Variants in LSS observed in about 807,000 individuals in gnomAD.
LSS encodes the protein lanosterol synthase.
A neutral mutation model predicts 110.3 loss-of-function variants in LSS; 90 were observed. The ratio of observed to expected loss-of-function variants is 0.82; its 90% confidence interval spans 0.69 to 0.97. The LOEUF (loss-of-function observed/expected upper bound fraction) is 0.97, where lower values mean the gene tolerates loss of function less well. Ranked by LOEUF, LSS falls within the 50% of genes least tolerant of loss-of-function variation. The pLI is 0.00. For synonymous variants in LSS, 433 were observed against 400.0 expected (o/e 1.08, Z -0.98); for missense variants, 927 against 990.0 (o/e 0.94, Z 0.85).
At chr21:46,213,951 C>A (rs2080167678) in intron 9 of LSS, 116 bp from the exon 10 acceptor site, 1 of 729,950 alleles carries the variant, frequency 1.4e-6, no homozygotes. Flanking sequence ...GCAGATCACT[C>A]AGGGCCAGGA....
chr21:46,194,593 C>T lies in LSS; in HGVS notation c.1886G>A (p.Trp629Ter), dbSNP rs774239538. 1.2e-6 allele frequency: 2 copies of T among 1,613,870 alleles called. No homozygotes were observed. The highest frequency in any genetic ancestry group is 1.7e-6 in the Non-Finnish European group (2 of 1,180,018). ...LLSRQMADGGWGEDFESCEER... is the reference protein window; with the variant it reads ...LLSRQMADGG ...CTCGCAGGACTCAAAGTCCTCCCCC[C>T]AGCCTCCGTCTGCCATCTGCCGGGA... is the stretch of plus-strand genomic sequence containing the variant. The change falls in exon 20 of 22, where the codon TGG becomes TAG. Residue 629 changes from tryptophan (W) to a stop codon, truncating the protein, a stop_gained. Transcript: ENST00000397728. LOFTEE classifies it high-confidence loss of function.
chr21:46,219,718 C>T (rs2080251537), intron 5 of LSS, 146 bp from the exon 6 acceptor site: 6 of 509,058 alleles, frequency 1.2e-5, no homozygotes, highest in South Asian at 6.0e-5. Flanking sequence ...TTGCGACCCC[C>T]ATGTGCGAAG....
Position 46,194,750 on chromosome 21 carries a change from G to A in LSS, c.1818-89C>T, listed in dbSNP as rs1023247188. 38 of 1,375,112 alleles carry A rather than the reference G, an allele frequency of 2.8e-5. No homozygotes were observed. In the East Asian group the frequency reaches 4.8e-4, roughly 17 times the overall value. The allele number at this position is 1,375,112 out of a possible 1,614,324, so 85.2% of individuals were successfully genotyped here. On this transcript the variant is annotated intron_variant, in intron 19 of 21. Coordinates refer to ENST00000397728, the MANE Select transcript of LSS (RefSeq NM_002340.6). ...ACCCCAGCAGGCTGCCTTGGGGTACGGGGAGGAGCCTGCACGATGGGGCCA... is the reference window on the plus strand; with the variant it reads ...ACCCCAGCAGGCTGCCTTGGGGTACAGGGAGGAGCCTGCACGATGGGGCCA...
At chr21:46,224,564 G>A (rs1383783539) in intron 3 of LSS, 2 of 152,182 alleles carry the variant, frequency 1.3e-5, no homozygotes, top group African/African-American at 4.8e-5. Context: ...CCCAAAACAA[G>A]CCCGTCTCTT....
chr21:46,206,555 C>A, intron 16 of LSS, 117 bp downstream of exon 16: 1 of 825,362 alleles, frequency 1.2e-6, no homozygotes, highest in South Asian at 1.5e-5. Context: ...ACAGATCTGC[C>A]GGTGAACCTG....
chr21:46,196,840 C>T (rs143421680), intron 17 of LSS, among the ~76,000 whole-genome samples: 211 of 152,358 alleles, frequency 1.4e-3, no homozygotes, highest in Middle Eastern at 0.014. Flanking sequence ...AGCAGACTCC[C>T]TCTACCAACT....
chr21:46,218,879 G>A (rs911396466), intron 6 of LSS, among the ~76,000 whole-genome samples: 3 of 151,826 alleles, frequency 2.0e-5, no homozygotes, highest in South Asian at 2.1e-4. Flanking sequence ...GGCACGCGCC[G>A]CCACGCCCAG....
chr21:46,222,399 C>T (rs2080289508), intron 4 of LSS: 1 of 575,100 alleles, frequency 1.7e-6, no homozygotes, highest in Admixed American at 3.2e-5. Context: ...ATGTGGGTCT[C>T]AAGAGTGTCC....
At chr21:46,208,408 G>A (rs1267280320) in intron 13 of LSS, 107 bp from the exon 14 acceptor site, 3 of 1,005,064 alleles carry the variant, frequency 3.0e-6, no homozygotes, top group Admixed American at 2.0e-5. Context: ...GAGGCAGAAC[G>A]TGCCTGGGAG....
intron 16 of LSS, 83 bp downstream of exon 16, chr21:46,206,589 G>A (rs1231143305): frequency 1.7e-6 from 2 of 1,203,424 alleles, no homozygotes; most frequent in Non-Finnish European, 2.4e-6. Flanking sequence ...TCGGGCAAGG[G>A]GGAAAAGCTG....
chr21:46,196,055 C>T, intron 18 of LSS, 147 bp downstream of exon 18: 1 of 795,816 alleles, frequency 1.3e-6, no homozygotes, highest in South Asian at 1.6e-5. Flanking sequence ...GGAACGAGGT[C>T]CCCCAGAAGT....
rs557815604 is a variant in LSS at position 46,209,901 on chromosome 21, C to T, written c.1195-276G>A. On this transcript the variant is annotated intron_variant, in intron 12 of 21. Coordinates refer to ENST00000397728, the MANE Select transcript of LSS (RefSeq NM_002340.6). This position sits in a 1 kb window ranked among gnomAD's most constrained non-coding sequence, Gnocchi z 4.4. ...TGGCCAGCATCCATGCCCAGAGGGT[C>T]TCCAGCACCCTGTGTAGGCAGGCCC... 6.6e-6 allele frequency among the ~76,000 whole-genome samples: 1 copy of T among 152,188 alleles called. No individual in the cohort carries two copies. The highest frequency in any genetic ancestry group is 1.9e-4 in the East Asian group (1 of 5,196).
intron 3 of LSS, chr21:46,225,173 C>G (rs12152059): frequency 0.016 from 3,150 of 200,802 alleles, 35 homozygotes; most frequent in Non-Finnish European, 0.02. Flanking sequence ...AGCAATTACT[C>G]TTTATTCCAA....
At chr21:46,210,546 A>G (rs1384553315) in intron 12 of LSS, 142 bp downstream of exon 12, 6 of 852,638 alleles carry the variant, frequency 7.0e-6, no homozygotes, top group Non-Finnish European at 1.1e-5. Flanking sequence ...CGACCCTCTG[A>G]AGCCAGAGGC....
chr21:46,201,741 T>C (rs2079980176), intron 17 of LSS, among the ~76,000 whole-genome samples: 1 of 152,116 alleles, frequency 6.6e-6, no homozygotes, highest in Non-Finnish European at 1.5e-5. Context: ...ATATAAATAG[T>C]GTTAAAGTAA....
intron 20 of LSS, chr21:46,193,146 G>A (rs1403636665): frequency 2.2e-6 from 1 of 445,984 alleles, no homozygotes; most frequent in Non-Finnish European, 4.5e-6. Flanking sequence ...TGTGTGCATA[G>A]ACCTGTGTGT....
Position 46,216,637 on chromosome 21 carries a change from C to T in LSS, c.648-113G>A, listed in dbSNP as rs903617519. On this transcript the variant is annotated intron_variant, in intron 6 of 21. Transcript: ENST00000397728. This position sits in a 1 kb window ranked among gnomAD's most constrained non-coding sequence, Gnocchi z 4.2. Reference sequence around the variant, plus strand: ...CGAACACTGGTGGATGGCTATTCCCCACCACGTCAGTGCATCTGCGGGCAT... The same window carrying T: ...CGAACACTGGTGGATGGCTATTCCCTACCACGTCAGTGCATCTGCGGGCAT... The T allele has an allele frequency of 7.5e-7, 1 of 1,334,992 alleles. No individual in the cohort carries two copies. Among genetic ancestry groups the T allele is most frequent in the Non-Finnish European group, 1.0e-6 (1 of 1,003,078 alleles). The allele number at this position is 1,334,992 out of a possible 1,614,324, so 82.7% of individuals were successfully genotyped here.
intron 17 of LSS, among the ~76,000 whole-genome samples, chr21:46,205,423 C>G (rs550245097): frequency 7.9e-5 from 12 of 152,290 alleles, no homozygotes; most frequent in Admixed American, 5.9e-4. Flanking sequence ...TGGGGCGGGC[C>G]GAGGGCTCTG....
intron 2 of LSS, 111 bp downstream of exon 2, chr21:46,228,323 A>T: frequency 7.8e-7 from 1 of 1,280,062 alleles, no homozygotes; most frequent in Non-Finnish European, 1.1e-6. Context: ...CGCCTTGGGG[A>T]TGGGCGTCGC....
Sources: allele counts gnomAD v4.1 joint callset (sites outside exome capture counted in the v4.1 genomes callset), GRCh38; gene constraint gnomAD v4.1.1; non-coding constraint Gnocchi (gnomAD v3.1); transcripts MANE v1.5; gene names NCBI Gene and HGNC (gene_info 2026-07-23, HGNC 2026-07-21).